VCAM1: variants seen among roughly 807,000 people sequenced by gnomAD.
VCAM1 encodes the protein vascular cell adhesion protein 1.
VCAM1 carries 41 observed loss-of-function variants against 63.8 expected under a neutral mutation model. That is an observed-to-expected ratio of 0.64 (90% CI 0.50 to 0.83). The LOEUF is 0.83. Among genes scored for constraint, VCAM1 ranks in the 40% least tolerant of loss-of-function variants. VCAM1 has a pLI of 0.00. For synonymous variants in VCAM1, 338 were observed against 320.7 expected, an observed-to-expected ratio of 1.05 and a Z score of -0.58; for missense variants, 798 against 875.5, an observed-to-expected ratio of 0.91 and a Z score of 1.12.
Position 100,738,415 on chromosome 1 carries a change from C to T in VCAM1, c.*132C>T. 4 of 1,035,534 alleles carry T rather than the reference C, an allele frequency of 3.9e-6. No individual in the cohort carries two copies. Among genetic ancestry groups the T allele is most frequent in the Non-Finnish European group, 5.5e-6 (4 of 726,840 alleles). 64.1% of individuals were successfully genotyped at this position (1,035,534 alleles called of 1,614,324 possible). A position where few individuals can be genotyped will look rare whatever the true frequency, so the allele number is the denominator to read the frequency against. ...AATGTATTGAACTTGGAAAGAAATG[C>T]CCATCTATGTCCCTTGCTGTGAGCA... On this transcript the variant is annotated 3_prime_UTR_variant, in exon 9 of 9. Transcript: ENST00000294728.
rs747017093 is a variant in VCAM1 at position 100,731,526 on chromosome 1, C to A, written c.1525+8C>A. On this transcript the variant is annotated splice_region_variant and intron_variant, in intron 6 of 8. Transcript: ENST00000294728. The surrounding 1 kb of genome is among the most constrained non-coding windows in gnomAD (Gnocchi z 4.2). ...AAACACTTTATGTCAATGGTAAGTA[C>A]ATATGTGAGGTATCTACAGTTTAAT... 1 of 1,608,066 alleles carries A rather than the reference C, an allele frequency of 6.2e-7. No homozygotes were observed. Among genetic ancestry groups the A allele is most frequent in the Admixed American group, 1.7e-5 (1 of 59,540 alleles).
intron 3 of VCAM1, among the ~76,000 whole-genome samples, chr1:100,723,819 A>G (rs1660058225): frequency 6.6e-6 from 1 of 151,920 alleles, no homozygotes; most frequent in East Asian, 1.9e-4. Context: ...CAGGGGAAAA[A>G]TGACGGGGTT....
At position 100,720,467 on chromosome 1, in the gene VCAM1, C is replaced by T. The variant is rs1440145351; in HGVS notation, c.65-9C>T. On this transcript the variant is annotated splice_polypyrimidine_tract_variant and intron_variant, in intron 1 of 8. Coordinates refer to ENST00000294728, the MANE Select transcript of VCAM1 (RefSeq NM_001078.4). ...GTAAATTTGCTTCTGTCTTTTTTTG[C>T]TTTTGCAGCTCAAGCTTTTAAAATC... 20 of 1,593,292 alleles carry T rather than the reference C, an allele frequency of 1.3e-5. No homozygotes were observed. In the Admixed American group the frequency reaches 1.6e-4, roughly 13 times the overall value.
chr1:100,736,007 T>C (rs1178602414), intron 8 of VCAM1: 1 of 152,220 alleles, frequency 6.6e-6, no homozygotes, highest in African/African-American at 2.4e-5. Context: ...TACTCATCCC[T>C]ATTTTCTTTA....
rs34708918 is a variant in VCAM1 at position 100,724,744 on chromosome 1, A to G, written c.782A>G (p.Lys261Arg). ...GCTCCAGAGATTTTCTGGAGTAAGA[A>G]ATTAGATAATGGGAATCTACAGCAC... is the stretch of plus-strand genomic sequence containing the variant. ...LPAPEIFWSK[K>R]LDNGNLQHLS... Residue 261 changes from lysine (K) to arginine (R), a missense_variant, in exon 4 of 9, where the codon AAA becomes AGA. Lys to Arg is a conservative substitution (Grantham distance 26). Transcript: ENST00000294728. The G allele has an allele frequency of 1.5e-5, 24 of 1,612,988 alleles. 1 individual carries two copies. The highest frequency in any genetic ancestry group is 3.3e-4 in the Middle Eastern group (2 of 6,080).
rs747628881 is a variant in VCAM1 at position 100,731,509 on chromosome 1, T to C, written c.1516T>C (p.Tyr506His). 2 of 1,612,658 alleles carry C rather than the reference T, an allele frequency of 1.2e-6. No homozygotes were observed. The highest frequency in any genetic ancestry group is 1.7e-6 in the Non-Finnish European group (2 of 1,179,418). ...ACAAAGGCAGAGTACGCAAACACTTTATGTCAATGGTAAGTACATATGTGA... is the reference window on the plus strand; with the variant it reads ...ACAAAGGCAGAGTACGCAAACACTTCATGTCAATGGTAAGTACATATGTGA... ...PKQRQSTQTL[Y>H]VNVAPRDTTV... is the part of the protein sequence containing the mutation. The change falls in exon 6 of 9, where the codon TAT (tyrosine) becomes CAT (histidine). Residue 506 changes from tyrosine (Y) to histidine (H), a missense_variant. Coordinates refer to ENST00000294728, the MANE Select transcript of VCAM1 (RefSeq NM_001078.4). The surrounding 1 kb of genome is among the most constrained non-coding windows in gnomAD (Gnocchi z 4.2).
intron 7 of VCAM1, 131 bp downstream of exon 7, chr1:100,732,815 T>C: frequency 3.0e-6 from 3 of 988,610 alleles, no homozygotes; most frequent in Non-Finnish European, 4.3e-6. Flanking sequence ...GAGTTTATGA[T>C]GTTTCCAATG....
At chr1:100,736,897 G>A (rs1660671233) in intron 8 of VCAM1, 1 of 152,162 alleles carries the variant, frequency 6.6e-6, no homozygotes, top group Admixed American at 6.6e-5. Flanking sequence ...ACCAAAGTCA[G>A]ATCTCTAGTT....
intron 4 of VCAM1, among the ~76,000 whole-genome samples, chr1:100,727,043 C>CTGTGTG (rs57979614): frequency 0.034 from 5,059 of 147,744 alleles, 144 homozygotes; most frequent in African/African-American, 0.079. Context: ...ATCAGGAATT[C>CTGTGTG]TGTGTGTGTG....
chr1:100,734,373 C>G, intron 7 of VCAM1, 129 bp from the exon 8 acceptor site: 2 of 1,022,816 alleles, frequency 2.0e-6, no homozygotes, highest in Non-Finnish European at 2.8e-6. Flanking sequence ...TTTACTTGCC[C>G]TTCTTAACAT....
chr1:100,730,208 G>T (rs1660389920), intron 5 of VCAM1, among the ~76,000 whole-genome samples: 1 of 152,044 alleles, frequency 6.6e-6, no homozygotes, highest in South Asian at 2.1e-4. Flanking sequence ...ATTTTGTTCA[G>T]AATGAGTTAG....
Position 100,723,024 on chromosome 1 carries a change from TC to T in VCAM1, c.347del (p.Pro116LeufsTer8). The T allele has an allele frequency of 6.2e-7, 1 of 1,606,818 alleles. No individual in the cohort carries two copies. The highest frequency in any genetic ancestry group is 8.5e-7 in the Non-Finnish European group (1 of 1,176,776). ...GTATTTGTTTGGCCTTTTCAGCTTT[TC>T]CTAAGGATCCAGAGATTCATTTGAG... ...KGIQVEIYSF[P>X]KDPEIHLSGP... On this transcript the variant is annotated frameshift_variant, in exon 3 of 9. Transcript: ENST00000294728. LOFTEE classifies it high-confidence loss of function.
intron 5 of VCAM1, among the ~76,000 whole-genome samples, chr1:100,730,718 T>A (rs1660422908): frequency 6.6e-6 from 1 of 152,122 alleles, no homozygotes; most frequent in Non-Finnish European, 1.5e-5. Context: ...AGAAAGTCTC[T>A]TAGCCTCTAT....
At chr1:100,722,981 A>G (rs1158198988) in intron 2 of VCAM1, 39 bp from the exon 3 acceptor site, 2 of 1,568,670 alleles carry the variant, frequency 1.3e-6, no homozygotes, top group African/African-American at 2.7e-5. Flanking sequence ...ATATCACATT[A>G]GCAAAAAGCC....
intron 5 of VCAM1, among the ~76,000 whole-genome samples, chr1:100,730,743 C>T (rs1660423830): frequency 6.6e-6 from 1 of 152,022 alleles, no homozygotes. Flanking sequence ...TTCAGTATTC[C>T]TGGCTGTAAA....
chr1:100,734,638 C>T lies in VCAM1; in HGVS notation c.1929C>T (p.Asp643=). ...IILKKKAETG[D]TVLKSIDGAY... Reference sequence around the variant, plus strand: ...TGAAGAAAAAAGCGGAGACAGGAGACACAGTACTAAAATCTATAGATGGCG... The same window carrying T: ...TGAAGAAAAAAGCGGAGACAGGAGATACAGTACTAAAATCTATAGATGGCG... Residue 643 remains aspartate (D), a synonymous_variant, in exon 8 of 9, where the codon GAC becomes GAT. Transcript: ENST00000294728. The T allele has an allele frequency of 6.2e-7, 1 of 1,613,968 alleles. No individual in the cohort carries two copies. Among genetic ancestry groups the T allele is most frequent in the South Asian group, 1.1e-5 (1 of 91,080 alleles).
chr1:100,719,754 T>C lies in VCAM1; in HGVS notation c.-107T>C. On this transcript the variant is annotated 5_prime_UTR_variant, in exon 1 of 9. Coordinates refer to ENST00000294728, the MANE Select transcript of VCAM1 (RefSeq NM_001078.4). ...TCTATTTCACTCCGCGGTATCTGCA[T>C]CGGGCCTCACTGGCTTCAGGAGCTG... 9.3e-7 allele frequency: 1 copy of C among 1,076,198 alleles called. No homozygotes were observed. The highest frequency in any genetic ancestry group is 1.4e-6 in the Non-Finnish European group (1 of 738,458). The allele number at this position is 1,076,198 out of a possible 1,614,324, so 66.7% of individuals were successfully genotyped here.
At chr1:100,720,796 A>T in intron 2 of VCAM1, 45 bp downstream of exon 2, 2 of 1,546,890 alleles carry the variant, frequency 1.3e-6, no homozygotes, top group Non-Finnish European at 8.7e-7. Context: ...ATTTTACTTT[A>T]AAATCACTTT....
In VCAM1 at chr1:100,731,324, A is replaced by G; in HGVS notation, c.1331A>G (p.Glu444Gly). 6.2e-7 allele frequency: 1 copy of G among 1,613,804 alleles called. No homozygotes were observed. Among genetic ancestry groups the G allele is most frequent in the Non-Finnish European group, 8.5e-7 (1 of 1,179,838 alleles). Reference protein sequence around the residue: ...DRLEIELLKGETILENIEFLE... With the variant: ...DRLEIELLKGGTILENIEFLE... The stretch of plus-strand genomic sequence containing the variant: ...CTGGAGATTGAATTACTTAAGGGGG[A>G]GACTATTCTGGAGAATATAGAGTTT... The change falls in exon 6 of 9, where the codon GAG (glutamate) becomes GGG (glycine). Residue 444 changes from glutamate (E) to glycine (G), a missense_variant. Coordinates refer to ENST00000294728, the MANE Select transcript of VCAM1 (RefSeq NM_001078.4). The surrounding 1 kb of genome is among the most constrained non-coding windows in gnomAD (Gnocchi z 4.2).
Sources: allele counts gnomAD v4.1 joint callset (sites outside exome capture counted in the v4.1 genomes callset), GRCh38; gene constraint gnomAD v4.1.1; non-coding constraint Gnocchi (gnomAD v3.1); transcripts MANE v1.5; gene names NCBI Gene and HGNC (gene_info 2026-07-23, HGNC 2026-07-21).